Variants in RPH3A observed in about 807,000 individuals in gnomAD.
RPH3A encodes the protein rabphilin 3A, also known as rabphilin-3A.
In RPH3A, 48 loss-of-function variants were observed where a neutral mutation model predicts 102.2. The observed-to-expected ratio is 0.47, with a 90% confidence interval of 0.37 to 0.60. RPH3A has a LOEUF of 0.60. Ranked by LOEUF, RPH3A falls within the 20% of genes least tolerant of loss-of-function variation. RPH3A has a pLI of 0.00. For missense variants in RPH3A, 781 were observed against 910.1 expected, an observed-to-expected ratio of 0.86 and a Z score of 1.83; for synonymous variants, 310 against 324.3, an observed-to-expected ratio of 0.96 and a Z score of 0.47.
chr12:112,704,476 GTGC>G (rs1268047765), intron 1 of RPH3A, among the ~76,000 whole-genome samples: 1 of 152,230 alleles, frequency 6.6e-6, no homozygotes, highest in Non-Finnish European at 1.5e-5. Flanking sequence ...GTTCAGTTGT[GTGC>G]TGATGGCCAC....
At chr12:112,879,085 T>G in intron 13 of RPH3A, 34 bp from the exon 14 acceptor site, 1 of 1,551,880 alleles carries the variant, frequency 6.4e-7, no homozygotes, top group South Asian at 1.1e-5. Context: ...GACTGAATAT[T>G]CGTTATCTTG....
chr12:112,675,525 C>A (rs547311716), intron 1 of RPH3A, among the ~76,000 whole-genome samples: 3 of 152,310 alleles, frequency 2.0e-5, no homozygotes, highest in Admixed American at 1.3e-4. Context: ...ATGACCTGCT[C>A]AAGGTCCTCC....
chr12:112,668,287 A>T (rs559502123), intron 1 of RPH3A, among the ~76,000 whole-genome samples: 1 of 152,286 alleles, frequency 6.6e-6, no homozygotes, highest in South Asian at 2.1e-4. Context: ...AAGATTGTTC[A>T]TCTTGAACAG....
At chr12:112,838,580 A>G (rs1007884620) in intron 4 of RPH3A, among the ~76,000 whole-genome samples, 1 of 152,186 alleles carries the variant, frequency 6.6e-6, no homozygotes, top group Non-Finnish European at 1.5e-5. Flanking sequence ...GGAGGGGGAG[A>G]AGAAGAAAGA....
At chr12:112,808,217 G>A (rs986691964) in intron 2 of RPH3A, among the ~76,000 whole-genome samples, 3 of 152,234 alleles carry the variant, frequency 2.0e-5, no homozygotes, top group Non-Finnish European at 4.4e-5. Flanking sequence ...CAGGGAAGGT[G>A]TGGAGGCTCT....
intron 20 of RPH3A, among the ~76,000 whole-genome samples, chr12:112,895,154 G>A (rs1433266429): frequency 6.6e-6 from 1 of 152,116 alleles, no homozygotes; most frequent in Non-Finnish European, 1.5e-5. Flanking sequence ...CTAGGCTGGA[G>A]TGCAGTGGCG....
chr12:112,752,250 A>T (rs138293323), intron 1 of RPH3A, among the ~76,000 whole-genome samples: 105 of 152,230 alleles, frequency 6.9e-4, no homozygotes, highest in Admixed American at 1.6e-3. Context: ...ATTCGTTTTC[A>T]CTATTTCCCA....
In RPH3A at chr12:112,879,188, T is replaced by G. The variant is rs199667978; in HGVS notation, c.1241T>G (p.Ile414Ser). The G allele has an allele frequency of 3.7e-6, 6 of 1,613,812 alleles. No individual in the cohort carries two copies. Among genetic ancestry groups the G allele is most frequent in the Non-Finnish European group, 5.1e-6 (6 of 1,179,818 alleles). Residue 414 changes from isoleucine to serine, a missense_variant, in exon 14 of 22, where the codon ATT (isoleucine) becomes AGT (serine). Physicochemically the swap from Ile to Ser is moderately radical, Grantham distance 142. Around this residue, in one of 2 missense-constraint regions of RPH3A, gnomAD observed 730 missense variants for 810.0 expected, o/e 0.90. Coordinates refer to ENST00000389385, the MANE Select transcript of RPH3A (RefSeq NM_001143854.2). ...QDNSSLQCTI[I>S]KAKGLKPMDS... ...AACAGCTCCCTGCAGTGCACCATCA[T>G]TAAGGCCAAGGTGGGTGATGGGGAC...
chr12:112,721,096 G>A (rs2040547266), intron 1 of RPH3A, among the ~76,000 whole-genome samples: 1 of 152,162 alleles, frequency 6.6e-6, no homozygotes, highest in Non-Finnish European at 1.5e-5. Flanking sequence ...TGTTGAGAGG[G>A]TTAAATGAAA....
At chr12:112,709,964 A>G (rs891022582) in intron 1 of RPH3A, among the ~76,000 whole-genome samples, 6 of 152,018 alleles carry the variant, frequency 3.9e-5, no homozygotes, top group Non-Finnish European at 5.9e-5. Flanking sequence ...CCCTGTGTTC[A>G]TGGCTGGTTG....
intron 2 of RPH3A, among the ~76,000 whole-genome samples, chr12:112,793,509 A>G (rs527974555): frequency 3.2e-4 from 49 of 152,368 alleles, no homozygotes; most frequent in African/African-American, 1.2e-3. Flanking sequence ...CTGAAATCCC[A>G]CAGCATGTGC....
chr12:112,728,269 G>A (rs1372051352), intron 1 of RPH3A, among the ~76,000 whole-genome samples: 4 of 152,160 alleles, frequency 2.6e-5, no homozygotes, highest in Non-Finnish European at 4.4e-5. Flanking sequence ...GACTGGGGGA[G>A]GACCCTGCCC....
chr12:112,746,991 C>T (rs187064691), intron 1 of RPH3A, among the ~76,000 whole-genome samples: 1 of 152,278 alleles, frequency 6.6e-6, no homozygotes, highest in Non-Finnish European at 1.5e-5. Context: ...GTCTGTGCCC[C>T]CTTCCCAAAT....
intron 1 of RPH3A, among the ~76,000 whole-genome samples, chr12:112,698,931 C>T (rs1266853162): frequency 7.2e-6 from 1 of 139,338 alleles, no homozygotes; most frequent in East Asian, 2.5e-4. Context: ...CCGCCCTTCT[C>T]CTCCTCCTCC....
intron 4 of RPH3A, chr12:112,842,030 C>T: frequency 6.6e-6 from 3 of 456,010 alleles, no homozygotes; most frequent in Non-Finnish European, 8.8e-6. Flanking sequence ...CAAAGAGTTT[C>T]CTGATTTCAA....
intron 1 of RPH3A, among the ~76,000 whole-genome samples, chr12:112,733,200 TACACAC>T (rs1398864968): frequency 6.6e-6 from 1 of 151,992 alleles, no homozygotes; most frequent in African/African-American, 2.4e-5. Flanking sequence ...CACACACCCG[TACACAC>T]ACACCTGCAC....
rs780113337 is a variant in RPH3A at position 112,876,754 on chromosome 12, C to T, written c.1059C>T (p.Ser353=). Residue 353 remains serine (S), a synonymous_variant, in exon 13 of 22, where the codon TCC becomes TCT. Coordinates refer to ENST00000389385, the MANE Select transcript of RPH3A (RefSeq NM_001143854.2). ...GAREDRMSHP[S]GPYSQASAAA... is the part of the protein sequence containing the mutation. ...GAGAGGACCGAATGAGCCACCCCTC[C>T]GGACCCTATTCCCAAGCATCTGCAG... The T allele has an allele frequency of 1.6e-5, 26 of 1,613,168 alleles. No individual in the cohort carries two copies. The highest frequency in any genetic ancestry group is 2.2e-5 in the South Asian group (2 of 90,842).
intron 1 of RPH3A, among the ~76,000 whole-genome samples, chr12:112,704,021 A>G (rs2040411431): frequency 6.6e-6 from 1 of 152,146 alleles, no homozygotes; most frequent in Admixed American, 6.5e-5. Context: ...TTGAAGGGAA[A>G]GGCATACAGT....
intron 1 of RPH3A, among the ~76,000 whole-genome samples, chr12:112,713,507 G>T (rs2107111): frequency 0.43 from 65,046 of 151,516 alleles, 14,786 homozygotes; most frequent in South Asian, 0.57. Context: ...GCCAAGCTTG[G>T]TTCAGTCCAT....
Sources: gnomAD v4.1 joint callset for allele counts (sites outside exome capture counted in the v4.1 genomes callset) on GRCh38, gnomAD v4.1.1 for gene constraint, gnomAD v4.1.1 regional missense constraint, MANE v1.5 for transcripts, NCBI Gene and HGNC (gene_info 2026-07-23, HGNC 2026-07-21) for gene names.